The following SNTG2 variants were observed in gnomAD, a reference collection of about 807,000 sequenced individuals.
The protein encoded by SNTG2 is syntrophin gamma 2.
SNTG2 carries 74 observed loss-of-function variants against 70.9 expected under a neutral mutation model. That is an observed-to-expected ratio of 1.04 (90% CI 0.86 to 1.27). The LOEUF is 1.27. Among genes scored for constraint, SNTG2 ranks in the 50% most tolerant of loss-of-function variants. The pLI, the probability that SNTG2 is intolerant of heterozygous loss-of-function variation, is 0.00. For synonymous variants in SNTG2, 278 were observed against 273.8 expected, an observed-to-expected ratio of 1.02 and a Z score of -0.15; for missense variants, 717 against 690.7, an observed-to-expected ratio of 1.04 and a Z score of -0.43.
At chr2:1,236,551 A>G (rs1426772612) in intron 9 of SNTG2, among the ~76,000 whole-genome samples, 2 of 152,250 alleles carry the variant, frequency 1.3e-5, no homozygotes, top group Non-Finnish European at 2.9e-5. Context: ...TACCTTGTTC[A>G]TCGCCATCAG....
chr2:1,268,440 C>T (rs989437514), intron 14 of SNTG2, among the ~76,000 whole-genome samples: 2 of 152,172 alleles, frequency 1.3e-5, no homozygotes, highest in African/African-American at 4.8e-5. Context: ...CACGAAGCTT[C>T]CCTGTAACTA....
chr2:1,069,831 C>T lies in SNTG2; in HGVS notation c.73-13687C>T, dbSNP rs929530313. ...TACAAAACAAAACAAAACAAAAAAG[C>T]AACCCTAGAAAGCTGTCTAGTTGAT... On this transcript the variant is annotated intron_variant, in intron 1 of 16. Coordinates refer to ENST00000308624, the MANE Select transcript of SNTG2 (RefSeq NM_018968.4). Among the ~76,000 whole-genome samples, 11 of 152,050 alleles carry T rather than the reference C, an allele frequency of 7.2e-5. No individual in the cohort carries two copies. The South Asian group carries it at 1.7e-3, about 23-fold the overall frequency.
At chr2:1,105,281 T>A (rs1310420834) in intron 4 of SNTG2, among the ~76,000 whole-genome samples, 1 of 151,236 alleles carries the variant, frequency 6.6e-6, no homozygotes. Flanking sequence ...ATGCAGAGGG[T>A]CTTGGCTGGG....
chr2:957,338 C>T (rs982501351), intron 1 of SNTG2, among the ~76,000 whole-genome samples: 4 of 152,036 alleles, frequency 2.6e-5, no homozygotes, highest in East Asian at 1.9e-4. Context: ...GGGGGAGCAA[C>T]GGATGGGGAA....
chr2:956,540 G>C (rs10171795), intron 1 of SNTG2, among the ~76,000 whole-genome samples: 93,258 of 152,108 alleles, frequency 0.61, 29,394 homozygotes, highest in Middle Eastern at 0.67. Flanking sequence ...ACCTGCCCCC[G>C]CAACCCATGC....
chr2:1,195,824 T>A (rs1672873279), intron 8 of SNTG2, among the ~76,000 whole-genome samples: 1 of 152,146 alleles, frequency 6.6e-6, no homozygotes, highest in South Asian at 2.1e-4. Context: ...TAATTGAACA[T>A]GAAGTTGTGG....
intron 1 of SNTG2, among the ~76,000 whole-genome samples, chr2:957,038 T>C (rs1461831100): frequency 2.0e-5 from 3 of 152,260 alleles, no homozygotes; most frequent in Non-Finnish European, 4.4e-5. Context: ...CAAATGGCTC[T>C]GTCAGTTTGC....
chr2:1,334,052 G>A (rs148180384), intron 16 of SNTG2, among the ~76,000 whole-genome samples: 112 of 152,238 alleles, frequency 7.4e-4, no homozygotes, highest in African/African-American at 2.6e-3. Context: ...ATTCGATAAA[G>A]GACTAATATC....
At chr2:1,155,484 A>G (rs1669832987) in intron 6 of SNTG2, among the ~76,000 whole-genome samples, 1 of 56,926 alleles carries the variant, frequency 1.8e-5, no homozygotes, top group South Asian at 4.7e-4. Flanking sequence ...TCTACCAGAG[A>G]AATACTACAG....
chr2:1,128,421 T>G (rs1667833166), intron 4 of SNTG2, among the ~76,000 whole-genome samples: 1 of 152,168 alleles, frequency 6.6e-6, no homozygotes, highest in Non-Finnish European at 1.5e-5. Flanking sequence ...GGATTTGAAT[T>G]TACCTTTGTG....
chr2:1,170,727 A>G (rs1255506310), intron 7 of SNTG2, among the ~76,000 whole-genome samples: 1 of 151,978 alleles, frequency 6.6e-6, no homozygotes, highest in Non-Finnish European at 1.5e-5. Context: ...TACCCTTTGT[A>G]TGGGTTTTGT....
chr2:956,242 C>CTG, intron 1 of SNTG2, among the ~76,000 whole-genome samples: 1 of 122,356 alleles, frequency 8.2e-6, no homozygotes, highest in African/African-American at 3.2e-5. Flanking sequence ...CACCCCTGCC[C>CTG]CGCCCCGCCC....
At position 1,222,493 on chromosome 2, in the gene SNTG2, G is replaced by A. The variant is rs587759815; in HGVS notation, c.719+13263G>A. Among the ~76,000 whole-genome samples the A allele has an allele frequency of 5.0e-5, 7 of 141,128 alleles. No homozygotes were observed. In the South Asian group the frequency reaches 6.6e-4, roughly 13 times the overall value. The allele number at this position is 141,128 out of a possible 152,430, so 92.6% of individuals were successfully genotyped here. A position where few individuals can be genotyped will look rare whatever the true frequency, so the allele number is the denominator to read the frequency against. ...CTGGATCGCTGTAGAGGAAAGTGGT[G>A]CAGTGATGGAGGGCGTCTCCCTGTC... On this transcript the variant is annotated intron_variant, in intron 9 of 16. Coordinates refer to ENST00000308624, the MANE Select transcript of SNTG2 (RefSeq NM_018968.4).
At chr2:976,067 A>G (rs1036800668) in intron 1 of SNTG2, among the ~76,000 whole-genome samples, 1 of 152,208 alleles carries the variant, frequency 6.6e-6, no homozygotes, top group African/African-American at 2.4e-5. Flanking sequence ...TCTTTTCTTC[A>G]GAGAAGAGAA....
At chr2:1,155,997 C>A (rs12714395) in intron 6 of SNTG2, among the ~76,000 whole-genome samples, 123,753 of 152,126 alleles carry the variant, frequency 0.81, 51,142 homozygotes, top group Middle Eastern at 0.9. Flanking sequence ...CCAGGCCAGG[C>A]CAGGACACCG....
rs540754895 is a variant in SNTG2, at chr2:1,177,550, T to C, written c.591+4367T>C. 4.0e-5 allele frequency among the ~76,000 whole-genome samples: 6 copies of C among 151,508 alleles called. No individual in the cohort carries two copies. In the South Asian group the frequency reaches 6.2e-4, roughly 16 times the overall value. ...GTTAAAAAGAAAATGATAGTAAAAT[T>C]GACAACTTCTTTCTCAACAAAAACA... On this transcript the variant is annotated intron_variant, in intron 8 of 16. Transcript: ENST00000308624.
chr2:1,011,343 C>A (rs1659723995), intron 1 of SNTG2, among the ~76,000 whole-genome samples: 1 of 152,168 alleles, frequency 6.6e-6, no homozygotes, highest in Non-Finnish European at 1.5e-5. Flanking sequence ...TCAAGACATG[C>A]CTTTTAGTAC....
chr2:1,290,878 A>G (rs959160094), intron 14 of SNTG2, among the ~76,000 whole-genome samples: 21 of 152,246 alleles, frequency 1.4e-4, no homozygotes, highest in African/African-American at 5.1e-4. Context: ...TTGTTGGATC[A>G]TGTGGCAGTT....
chr2:1,111,622 T>C (rs1666446166), intron 4 of SNTG2, among the ~76,000 whole-genome samples: 1 of 152,250 alleles, frequency 6.6e-6, no homozygotes, highest in South Asian at 2.1e-4. Context: ...ACTTTTTAAT[T>C]TAAATATACA....
Sources: allele counts gnomAD v4.1 joint callset (sites outside exome capture counted in the v4.1 genomes callset), GRCh38; gene constraint gnomAD v4.1.1; transcripts MANE v1.5; gene names NCBI Gene and HGNC (gene_info 2026-07-23, HGNC 2026-07-21).